ARFGAP3: variants seen among roughly 807,000 people sequenced by gnomAD.
ARFGAP3 encodes the protein ARF GTPase activating protein 3, also known as ADP-ribosylation factor GTPase-activating protein 3.
A neutral mutation model predicts 75.0 loss-of-function variants in ARFGAP3; 72 were observed. The ratio of observed to expected loss-of-function variants is 0.96; its 90% CI spans 0.79 to 1.17. ARFGAP3 has a LOEUF of 1.17. ARFGAP3 is among the 50% of genes most tolerant of loss of function. The pLI is 0.00. For synonymous variants in ARFGAP3, 221 were observed against 217.9 expected, an observed-to-expected ratio of 1.01 and a Z score of -0.13; for missense variants, 620 against 626.6, an observed-to-expected ratio of 0.99 and a Z score of 0.11.
intron 12 of ARFGAP3, 147 bp from the exon 13 acceptor site, chr22:42,809,037 A>C: frequency 1.4e-6 from 1 of 726,644 alleles, no homozygotes; most frequent in Non-Finnish European, 1.9e-6. Context: ...AATTCTAATT[A>C]AAAAAAAAAG....
chr22:42,819,622 C>T (rs1396371520), intron 9 of ARFGAP3, among the ~76,000 whole-genome samples: 1 of 152,188 alleles, frequency 6.6e-6, no homozygotes, highest in Non-Finnish European at 1.5e-5. Context: ...TCCTTCCTTC[C>T]TACCAAGTGG....
Position 42,820,354 on chromosome 22 carries a change from G to T in ARFGAP3, c.812+1916C>A, listed in dbSNP as rs1925758081. Reference sequence around the variant, plus strand: ...TCAAACCATATTCGACCTAAATACAGTTCAGTGCTGCCCCCTATGTTCTGT... The same window carrying T: ...TCAAACCATATTCGACCTAAATACATTTCAGTGCTGCCCCCTATGTTCTGT... On this transcript the variant is annotated intron_variant, in intron 9 of 15. Coordinates refer to ENST00000263245, the MANE Select transcript of ARFGAP3 (RefSeq NM_014570.5). Among the ~76,000 whole-genome samples the T allele has an allele frequency of 2.2e-5, 3 of 136,604 alleles. No individual in the cohort carries two copies. The Admixed American group carries it at 2.3e-4, about 10-fold the overall frequency. The allele number at this position is 136,604 out of a possible 152,430, so 89.6% of individuals were successfully genotyped here.
At chr22:42,834,905 C>T (rs1205790244) in intron 4 of ARFGAP3, among the ~76,000 whole-genome samples, 2 of 152,150 alleles carry the variant, frequency 1.3e-5, no homozygotes, top group Middle Eastern at 3.2e-3. Context: ...CTCTCAAGTG[C>T]AGTACTGAAG....
intron 2 of ARFGAP3, among the ~76,000 whole-genome samples, chr22:42,843,086 AC>A (rs1176808558): frequency 1.3e-5 from 2 of 150,150 alleles, no homozygotes; most frequent in Non-Finnish European, 3.0e-5. Flanking sequence ...CCTCCCCCCG[AC>A]CCCCCAACCA....
chr22:42,852,391 G>A (rs1326224482), intron 1 of ARFGAP3, among the ~76,000 whole-genome samples: 2 of 151,666 alleles, frequency 1.3e-5, no homozygotes, highest in Non-Finnish European at 2.9e-5. Context: ...ATAGGGTCTC[G>A]CTCTGTCGCC....
chr22:42,850,314 G>C (rs1261987831), intron 1 of ARFGAP3, among the ~76,000 whole-genome samples: 2 of 152,174 alleles, frequency 1.3e-5, no homozygotes, highest in African/African-American at 4.8e-5. Flanking sequence ...GCTCACACCT[G>C]TAATCCTAGC....
At chr22:42,844,596 AAAAAAAAAAAAT>A (rs1926927530) in intron 2 of ARFGAP3, among the ~76,000 whole-genome samples, 1 of 101,824 alleles carries the variant, frequency 9.8e-6, no homozygotes, top group Admixed American at 1.2e-4. Context: ...AAGGAAAAAA[AAAAAAAAAAAAT>A]AAAAAACCCA....
intron 1 of ARFGAP3, among the ~76,000 whole-genome samples, chr22:42,850,891 C>T (rs1205435642): frequency 6.6e-6 from 1 of 152,232 alleles, no homozygotes; most frequent in African/African-American, 2.4e-5. Flanking sequence ...AGTAGCAGCA[C>T]AAACACTAGC....
intron 13 of ARFGAP3, among the ~76,000 whole-genome samples, chr22:42,807,814 T>C (rs79443194): frequency 1.3e-5 from 2 of 151,796 alleles, no homozygotes; most frequent in African/African-American, 4.8e-5. Flanking sequence ...TTTTTTTTTT[T>C]TGAGACAGAG....
chr22:42,829,891 C>T (rs1181237472), intron 6 of ARFGAP3, among the ~76,000 whole-genome samples: 1 of 152,158 alleles, frequency 6.6e-6, no homozygotes, highest in Non-Finnish European at 1.5e-5. Flanking sequence ...AGAAGAAATT[C>T]TACTTTGTTT....
rs757091169 is a variant in ARFGAP3 at position 42,847,514 on chromosome 22, C to T, written c.188G>A (p.Arg63Gln). 2.4e-5 allele frequency: 38 copies of T among 1,609,064 alleles called. No homozygotes were observed. The highest frequency in any genetic ancestry group is 3.3e-5 in the Admixed American group (2 of 59,774). The change falls in exon 2 of 16, where the codon CGA becomes CAA. Residue 63 changes from arginine to glutamine, a missense_variant and splice_region_variant. Coordinates refer to ENST00000263245, the MANE Select transcript of ARFGAP3 (RefSeq NM_014570.5). ...RSLGVHLSFIRSTELDSNWSW... is the reference protein window; with the variant it reads ...RSLGVHLSFIQSTELDSNWSW... ...CCCCAATGAGAGAAGATTCACTTAC[C>T]GAATAAAACTCAAGTGAACACCAAG...
chr22:42,818,429 T>C lies in ARFGAP3; in HGVS notation c.813-572A>G, dbSNP rs1390805541. ...AATGGGATAGTGACTCATCAGCTAATAGACTCTTTAGCACTACTAGTCAGT... is the reference window on the plus strand; with the variant it reads ...AATGGGATAGTGACTCATCAGCTAACAGACTCTTTAGCACTACTAGTCAGT... On this transcript the variant is annotated intron_variant, in intron 9 of 15. Transcript: ENST00000263245. 2.6e-5 allele frequency among the ~76,000 whole-genome samples: 4 copies of C among 152,308 alleles called. No homozygotes were observed. In the East Asian group the frequency reaches 5.8e-4, roughly 22 times the overall value.
chr22:42,822,364 T>A lies in ARFGAP3; in HGVS notation c.718A>T (p.Thr240Ser). The A allele has an allele frequency of 6.2e-7, 1 of 1,614,200 alleles. No individual in the cohort carries two copies. Among genetic ancestry groups the A allele is most frequent in the Non-Finnish European group, 8.5e-7 (1 of 1,180,032 alleles). The stretch of plus-strand genomic sequence containing the variant: ...TGTTTTTCAATTTCATTAAAGCATG[T>A]GTTTGCCAGTTTCTGAGCTCCCAAA... The part of the protein sequence containing the change: ...GSLGAQKLAN[T>S]CFNEIEKQAQ... Residue 240 changes from threonine (T) to serine (S), a missense_variant, in exon 9 of 16, where the codon ACA becomes TCA. Coordinates refer to ENST00000263245, the MANE Select transcript of ARFGAP3 (RefSeq NM_014570.5).
intron 11 of ARFGAP3, among the ~76,000 whole-genome samples, chr22:42,812,039 A>T (rs1022097239): frequency 1.3e-5 from 2 of 151,974 alleles, no homozygotes; most frequent in African/African-American, 4.8e-5. Context: ...AAAAATAAAT[A>T]AACAAATAAA....
intron 9 of ARFGAP3, among the ~76,000 whole-genome samples, chr22:42,819,902 C>CATGAA (rs1569148068): frequency 6.6e-6 from 1 of 152,198 alleles, no homozygotes; most frequent in Non-Finnish European, 1.5e-5. Context: ...TGAACAAGGC[C>CATGAA]ATGAAAGTTG....
At chr22:42,844,483 G>A (rs1926920188) in intron 2 of ARFGAP3, among the ~76,000 whole-genome samples, 1 of 151,890 alleles carries the variant, frequency 6.6e-6, no homozygotes, top group South Asian at 2.1e-4. Context: ...TACTTCGGAG[G>A]CTGAAGCAGG....
intron 3 of ARFGAP3, among the ~76,000 whole-genome samples, chr22:42,836,092 A>C (rs574418455): frequency 7.0e-6 from 1 of 142,926 alleles, no homozygotes; most frequent in African/African-American, 2.6e-5. Context: ...AAGTGATCCC[A>C]CCACCTCAGC....
At chr22:42,800,917 TCCTC>T (rs1924826320) in intron 14 of ARFGAP3, among the ~76,000 whole-genome samples, 1 of 151,326 alleles carries the variant, frequency 6.6e-6, no homozygotes, top group African/African-American at 2.4e-5. Flanking sequence ...AGGGAATCTC[TCCTC>T]CCTATCTTTT....
At chr22:42,807,271 T>C (rs1021206159) in intron 13 of ARFGAP3, 108 bp from the exon 14 acceptor site, 5 of 1,465,516 alleles carry the variant, frequency 3.4e-6, no homozygotes, top group Non-Finnish European at 3.6e-6. Context: ...CCCCAGGCTC[T>C]TTCTTTCCAA....
Sources: gnomAD v4.1 joint callset for allele counts (sites outside exome capture counted in the v4.1 genomes callset) on GRCh38, gnomAD v4.1.1 for gene constraint, MANE v1.5 for transcripts, NCBI Gene and HGNC (gene_info 2026-07-23, HGNC 2026-07-21) for gene names.